Variants in ABL1 observed in about 807,000 individuals in gnomAD.
The protein encoded by ABL1 is tyrosine-protein kinase ABL1.
In ABL1, 11 loss-of-function variants were observed where a neutral mutation model predicts 94.7. The observed-to-expected ratio is 0.12, with a 90% CI of 0.07 to 0.19. ABL1 has a LOEUF of 0.19. ABL1 is among the 10% of genes least tolerant of loss of function. The probability of loss-of-function intolerance (pLI) is 1.00; values close to 1 mark genes in which losing one functional copy is unlikely to be tolerated. For synonymous variants in ABL1, 656 were observed against 622.4 expected (o/e 1.05, Z -0.80); for missense variants, 1,082 against 1,489.4 (o/e 0.73, Z 4.50).
intron 1 of ABL1, among the ~76,000 whole-genome samples, chr9:130,843,026 G>A (rs1455216165): frequency 1.3e-5 from 2 of 152,124 alleles, no homozygotes; most frequent in African/African-American, 4.8e-5. Context: ...TTTTATATAG[G>A]TTTTCCTGGT....
chr9:130,839,176 C>T (rs919408424), intron 1 of ABL1, among the ~76,000 whole-genome samples: 1 of 152,074 alleles, frequency 6.6e-6, no homozygotes, highest in Non-Finnish European at 1.5e-5. Context: ...ATCCTCCCAC[C>T]TTGGCCTCCC....
At chr9:130,852,064 C>T (rs552645343) in intron 1 of ABL1, among the ~76,000 whole-genome samples, 1 of 152,194 alleles carries the variant, frequency 6.6e-6, no homozygotes, top group Admixed American at 6.5e-5. Flanking sequence ...CAGGGGTGAG[C>T]CTCCACGCCG....
chr9:130,845,306 C>T (rs1830746917), intron 1 of ABL1, among the ~76,000 whole-genome samples: 2 of 151,970 alleles, frequency 1.3e-5, no homozygotes, highest in Admixed American at 1.3e-4. Flanking sequence ...AATTCTCCAT[C>T]CTAACTCCTA....
intron 1 of ABL1, among the ~76,000 whole-genome samples, chr9:130,735,946 TATATATATATATA>T (rs1831731781): frequency 5.0e-5 from 4 of 80,508 alleles, no homozygotes; most frequent in African/African-American, 4.0e-4. Context: ...TATATATATA[TATATATATATATA>T]TATTTTTTTT....
chr9:130,716,984 ATATCT>A (rs1317904903), intron 1 of ABL1, among the ~76,000 whole-genome samples: 3 of 152,224 alleles, frequency 2.0e-5, no homozygotes, highest in Non-Finnish European at 4.4e-5. Flanking sequence ...CCATATTTTA[ATATCT>A]TATAATGAAA....
At chr9:130,751,580 A>C (rs973263290) in intron 1 of ABL1, among the ~76,000 whole-genome samples, 5 of 152,052 alleles carry the variant, frequency 3.3e-5, no homozygotes, top group Admixed American at 2.6e-4. Context: ...GACCTGGGCC[A>C]CTGAGGAAGC....
At chr9:130,758,379 C>T (rs1299235390) in intron 1 of ABL1, among the ~76,000 whole-genome samples, 4 of 151,218 alleles carry the variant, frequency 2.6e-5, no homozygotes, top group Non-Finnish European at 5.9e-5. Flanking sequence ...AGGCTGCTCT[C>T]GGAACTCCTG....
Position 130,736,577 on chromosome 9 carries a change from C to T in ABL1, c.136+22122C>T, listed in dbSNP as rs1181090057. Among the ~76,000 whole-genome samples the T allele has an allele frequency of 6.7e-5, 10 of 149,932 alleles. No homozygotes were observed. The South Asian group carries it at 2.1e-3, about 32-fold the overall frequency. On this transcript the variant is annotated intron_variant, in intron 1 of 10. Transcript: ENST00000372348. ...GTGATCTCGGCCCCACCGCAACCTC[C>T]GCCTCCTAGGTTCAAGCAATTCTTC... is the stretch of plus-strand genomic sequence containing the variant.
At chr9:130,789,318 C>T (rs1829871981) in intron 1 of ABL1, among the ~76,000 whole-genome samples, 1 of 152,218 alleles carries the variant, frequency 6.6e-6, no homozygotes, top group African/African-American at 2.4e-5. Flanking sequence ...GAACTTGTGG[C>T]TGCTGACCAG....
chr9:130,880,536 G>C lies in ABL1; in HGVS notation c.1550G>C (p.Gly517Ala). ...GAGCTGGGGAAACAAGGCGTCCGTG[G>C]GGCTGTGAGTACCTTGCTGCAGGCC... ...EKELGKQGVR[G>A]AVSTLLQAPE... Residue 517 changes from glycine to alanine, a missense_variant, in exon 10 of 11, where the codon GGG becomes GCG. Gly to Ala is a moderately conservative substitution (Grantham distance 60). Around this residue, in one of 7 missense-constraint regions of ABL1, gnomAD observed 780 missense variants for 835.8 expected, o/e 0.93. Coordinates refer to ENST00000318560, the MANE Select transcript of ABL1 (RefSeq NM_005157.6). This position sits in a 1 kb window ranked among gnomAD's most constrained non-coding sequence, Gnocchi z 4.4. 1 of 1,613,916 alleles carries C rather than the reference G, an allele frequency of 6.2e-7. No individual in the cohort carries two copies. The highest frequency in any genetic ancestry group is 8.5e-7 in the Non-Finnish European group (1 of 1,179,916).
intron 1 of ABL1, among the ~76,000 whole-genome samples, chr9:130,726,210 G>GA (rs1831583847): frequency 6.6e-6 from 1 of 151,460 alleles, no homozygotes; most frequent in Non-Finnish European, 1.5e-5. Flanking sequence ...GGCACAAATT[G>GA]AATGTACAGC....
At chr9:130,774,622 G>A (rs1464817866) in intron 1 of ABL1, among the ~76,000 whole-genome samples, 2 of 152,098 alleles carry the variant, frequency 1.3e-5, no homozygotes, top group African/African-American at 2.4e-5. Context: ...TCAGGAGTTC[G>A]TGACCAGACT....
chr9:130,769,398 C>A (rs1305627900), intron 1 of ABL1, among the ~76,000 whole-genome samples: 1 of 122,338 alleles, frequency 8.2e-6, no homozygotes, highest in East Asian at 2.6e-4. Flanking sequence ...ATGGTGCTAT[C>A]TTGGCTTACT....
chr9:130,806,730 T>C (rs1256900015), intron 1 of ABL1, among the ~76,000 whole-genome samples: 1 of 152,240 alleles, frequency 6.6e-6, no homozygotes, highest in Non-Finnish European at 1.5e-5. Context: ...AATCCCATTC[T>C]TACACACAAA....
intron 1 of ABL1, among the ~76,000 whole-genome samples, chr9:130,742,402 C>T (rs1445772803): frequency 6.6e-6 from 1 of 152,102 alleles, no homozygotes; most frequent in African/African-American, 2.4e-5. Flanking sequence ...GCACTTCCAC[C>T]TCTCCTGAAG....
intron 1 of ABL1, among the ~76,000 whole-genome samples, chr9:130,756,321 A>C (rs1253973512): frequency 1.7e-5 from 2 of 119,220 alleles, no homozygotes; most frequent in African/African-American, 8.3e-5. Context: ...TTTGTATGGA[A>C]GTTTTAATTT....
chr9:130,745,470 A>G (rs913754009), intron 1 of ABL1, among the ~76,000 whole-genome samples: 1 of 150,522 alleles, frequency 6.6e-6, no homozygotes, highest in East Asian at 2.0e-4. Context: ...AGTTTTCTGT[A>G]GAAGGAAAAA....
chr9:130,736,862 T>C (rs1227699775), intron 1 of ABL1, among the ~76,000 whole-genome samples: 4 of 152,194 alleles, frequency 2.6e-5, no homozygotes, highest in Non-Finnish European at 5.9e-5. Context: ...TCAGGTTCTT[T>C]GTGTGGCAGA....
chr9:130,856,921 A>G (rs1040379438), intron 3 of ABL1, among the ~76,000 whole-genome samples: 1 of 152,200 alleles, frequency 6.6e-6, no homozygotes, highest in Non-Finnish European at 1.5e-5. Context: ...ATTGTAAATA[A>G]TGCTGATATG....
Sources: gnomAD v4.1 joint callset for allele counts (sites outside exome capture counted in the v4.1 genomes callset) on GRCh38, gnomAD v4.1.1 for gene constraint, gnomAD v4.1.1 regional missense constraint, Gnocchi (gnomAD v3.1) non-coding constraint, MANE v1.5 for transcripts, NCBI Gene and HGNC (gene_info 2026-07-23, HGNC 2026-07-21) for gene names.